The following MGAT4C variants were observed in gnomAD, a reference collection of about 807,000 sequenced individuals.
MGAT4C encodes alpha-1,3-mannosyl-glycoprotein 4-beta-N-acetylglucosaminyltransferase C.
Under a neutral mutation model 40.1 loss-of-function variants are expected in MGAT4C, and 19 were observed. That is an observed-to-expected ratio of 0.47 (90% CI 0.33 to 0.70). The LOEUF is 0.70. Ranked by LOEUF, MGAT4C falls within the 30% of genes least tolerant of loss-of-function variation. The pLI is 0.02. For synonymous variants in MGAT4C, 181 were observed against 187.1 expected (o/e 0.97, Z 0.27); for missense variants, 491 against 563.2 (o/e 0.87, Z 1.30).
chr12:86,700,212 G>T (rs1485340288), intron 2 of MGAT4C, among the ~76,000 whole-genome samples: 1 of 151,272 alleles, frequency 6.6e-6, no homozygotes, highest in Non-Finnish European at 1.5e-5. Flanking sequence ...TAGATAGATA[G>T]ATTAGGCTTT....
At chr12:86,534,024 T>C (rs1038628731) in intron 2 of MGAT4C, among the ~76,000 whole-genome samples, 1 of 152,112 alleles carries the variant, frequency 6.6e-6, no homozygotes, top group Admixed American at 6.6e-5. Context: ...TACTTCAAAA[T>C]ATATTTCATT....
In MGAT4C at chr12:86,401,304, A is replaced by G. The variant is rs796098239; in HGVS notation, c.-120+33853T>C. ...TGTATGTGGGTGTGTGTGTGTGTGT[A>G]TATATATATATATTTCTATTATGGC... On this transcript the variant is annotated intron_variant, in intron 3 of 7. Transcript: ENST00000548651. Among the ~76,000 whole-genome samples the G allele has an allele frequency of 1.5e-3, 130 of 88,450 alleles. No individual in the cohort carries two copies. The South Asian group carries it at 0.016, about 11-fold the overall frequency. 58.0% of individuals were successfully genotyped at this position (88,450 alleles called of 152,430 possible).
At chr12:85,983,161 G>A (rs1257832395) in intron 4 of MGAT4C, among the ~76,000 whole-genome samples, 2 of 152,142 alleles carry the variant, frequency 1.3e-5, no homozygotes, top group African/African-American at 4.8e-5. Context: ...GTTGTGGCAA[G>A]TCATAAAACC....
intron 2 of MGAT4C, among the ~76,000 whole-genome samples, chr12:86,708,308 C>T (rs1231333309): frequency 1.3e-5 from 2 of 152,192 alleles, no homozygotes; most frequent in African/African-American, 4.8e-5. Context: ...CCTGCAGGAG[C>T]ACAGAAGTCA....
intron 3 of MGAT4C, among the ~76,000 whole-genome samples, chr12:86,370,977 A>C (rs1420033176): frequency 6.6e-6 from 1 of 152,010 alleles, no homozygotes; most frequent in Non-Finnish European, 1.5e-5. Context: ...ATAGGTTGCT[A>C]TATGTATAGG....
intron 4 of MGAT4C, among the ~76,000 whole-genome samples, chr12:86,317,357 C>G (rs1255604887): frequency 1.3e-5 from 2 of 151,852 alleles, no homozygotes; most frequent in African/African-American, 2.4e-5. Flanking sequence ...ATAAGAAATG[C>G]AGGTTTGTAT....
rs115542015 is a variant in MGAT4C, at chr12:86,349,607, C to A, written c.-119-15480G>T. ...GCTTCAACCAGCTAGGAACTCTGCT[C>A]ATTCTACACTTTATCAGTGCATTTA... On this transcript the variant is annotated intron_variant, in intron 3 of 7. Transcript: ENST00000548651. 7.0e-3 allele frequency among the ~76,000 whole-genome samples: 1,070 copies of A among 152,204 alleles called. 11 individuals carry two copies. The highest frequency in any genetic ancestry group is 0.025 in the African/African-American group (1,022 of 41,544).
intron 4 of MGAT4C, among the ~76,000 whole-genome samples, chr12:86,286,135 T>C (rs1000464391): frequency 9.9e-5 from 15 of 152,124 alleles, no homozygotes; most frequent in Non-Finnish European, 2.1e-4. Context: ...TGTATCCTTT[T>C]CTTGTCCTTT....
At position 86,745,569 on chromosome 12, in the gene MGAT4C, G is replaced by A. The variant is rs59046033; in HGVS notation, c.-261-18328C>T. On this transcript the variant is annotated intron_variant, in intron 1 of 7. Transcript: ENST00000548651. Reference sequence around the variant, plus strand: ...AAGATAATAGTAACCCTTGGAAATAGAGGGGAAAATATATGAATGCCAGAA... The same window carrying A: ...AAGATAATAGTAACCCTTGGAAATAAAGGGGAAAATATATGAATGCCAGAA... 3.4e-3 allele frequency among the ~76,000 whole-genome samples: 522 copies of A among 151,690 alleles called. 2 individuals are homozygous for A. The highest frequency in any genetic ancestry group is 0.012 in the African/African-American group (500 of 41,456).
chr12:86,328,301 A>T (rs1445647681), intron 4 of MGAT4C, among the ~76,000 whole-genome samples: 1 of 152,196 alleles, frequency 6.6e-6, no homozygotes, highest in Admixed American at 6.6e-5. Context: ...TACCACTGTG[A>T]TTCAACATTG....
chr12:86,385,345 C>G (rs1322198057), intron 3 of MGAT4C, among the ~76,000 whole-genome samples: 1 of 152,070 alleles, frequency 6.6e-6, no homozygotes, highest in Non-Finnish European at 1.5e-5. Context: ...TTCCTCTTAG[C>G]TCTTAAATTG....
At position 86,614,237 on chromosome 12, in the gene MGAT4C, A is replaced by C. The variant is rs1315045413; in HGVS notation, c.-229+112972T>G. Among the ~76,000 whole-genome samples, 3 of 152,310 alleles carry C rather than the reference A, an allele frequency of 2.0e-5. No individual in the cohort carries two copies. In the East Asian group the frequency reaches 5.8e-4, roughly 29 times the overall value. On this transcript the variant is annotated intron_variant, in intron 2 of 7. Transcript: ENST00000548651. The stretch of plus-strand genomic sequence containing the variant: ...GGCTGCTCTGTAACAAGCAGATTAC[A>C]TCCTCCAGAGAATACCTAAAATAAA...
intron 4 of MGAT4C, among the ~76,000 whole-genome samples, chr12:86,333,602 A>C (rs926781820): frequency 2.0e-5 from 3 of 152,184 alleles, no homozygotes; most frequent in African/African-American, 7.2e-5. Flanking sequence ...AAGTGAACCA[A>C]GCTTCATCAT....
At chr12:86,084,238 A>C (rs1871337240) in intron 1 of MGAT4C, among the ~76,000 whole-genome samples, 1 of 152,064 alleles carries the variant, frequency 6.6e-6, no homozygotes, top group Admixed American at 6.6e-5. Flanking sequence ...ATTTTGGGCA[A>C]GGGTTTAGAA....
chr12:86,105,546 A>G (rs1194542579), intron 1 of MGAT4C, among the ~76,000 whole-genome samples: 1 of 152,146 alleles, frequency 6.6e-6, no homozygotes, highest in African/African-American at 2.4e-5. Context: ...CACGTTTCCT[A>G]TAAAGGAGAG....
chr12:86,427,916 A>G (rs1956960405), intron 3 of MGAT4C, among the ~76,000 whole-genome samples: 1 of 152,052 alleles, frequency 6.6e-6, no homozygotes, highest in African/African-American at 2.4e-5. Flanking sequence ...GCTACTCGGG[A>G]GGCTGAGGCA....
chr12:86,551,370 T>C (rs376391244), intron 2 of MGAT4C, among the ~76,000 whole-genome samples: 10 of 152,184 alleles, frequency 6.6e-5, no homozygotes, highest in East Asian at 3.9e-4. Flanking sequence ...AACAGCCCTG[T>C]GGACTGTTCC....
At chr12:86,324,993 G>T (rs556057594) in intron 4 of MGAT4C, among the ~76,000 whole-genome samples, 3 of 151,896 alleles carry the variant, frequency 2.0e-5, no homozygotes, top group Non-Finnish European at 4.4e-5. Flanking sequence ...CTGTTACTTG[G>T]TATAAAATAA....
At chr12:86,132,364 C>CTTT (rs11427959) in intron 1 of MGAT4C, among the ~76,000 whole-genome samples, 2 of 150,964 alleles carry the variant, frequency 1.3e-5, no homozygotes, top group African/African-American at 4.9e-5. Context: ...AGACGATTCT[C>CTTT]TTTTTTTTTG....
Sources: allele counts gnomAD v4.1 joint callset (sites outside exome capture counted in the v4.1 genomes callset), GRCh38; gene constraint gnomAD v4.1.1; transcripts MANE v1.5; gene names NCBI Gene and HGNC (gene_info 2026-07-23, HGNC 2026-07-21).